STARD13: variants seen among roughly 807,000 people sequenced by gnomAD.
The protein encoded by STARD13 is stAR-related lipid transfer protein 13.
Under a neutral mutation model 106.4 loss-of-function variants are expected in STARD13, and 62 were observed. That is an observed-to-expected ratio of 0.58 (90% CI 0.48 to 0.72). STARD13 has a LOEUF of 0.72. Among genes scored for constraint, STARD13 ranks in the 30% least tolerant of loss-of-function variants. The pLI, the probability that STARD13 is intolerant of heterozygous loss-of-function variation, is 0.00. For synonymous variants in STARD13, 565 were observed against 553.0 expected, an observed-to-expected ratio of 1.02 and a Z score of -0.31; for missense variants, 1,387 against 1,424.0, an observed-to-expected ratio of 0.97 and a Z score of 0.42.
At chr13:33,210,641 T>G (rs1594110936) in intron 1 of STARD13, among the ~76,000 whole-genome samples, 1 of 152,228 alleles carries the variant, frequency 6.6e-6, no homozygotes, top group African/African-American at 2.4e-5. Flanking sequence ...CGACTACACT[T>G]AAAAGATTGA....
At chr13:33,414,032 C>CAAAAAAAAAAAAAAAAA in the STARD13 span, among the ~76,000 whole-genome samples, 1 of 48,186 alleles carries the variant, frequency 2.1e-5, no homozygotes, top group Admixed American at 1.9e-4. Context: ...GATTCCCTCT[C>CAAAAAAAAAAAAAAAAA]AAAAAAAAAA....
At chr13:33,548,620 AT>A in the STARD13 span, among the ~76,000 whole-genome samples, 5 of 152,060 alleles carry the variant, frequency 3.3e-5, no homozygotes, top group African/African-American at 1.2e-4. Context: ...TACGTTTGTG[AT>A]TTTTTTTAAA....
In STARD13 at chr13:33,285,718, A is replaced by ACCC; in HGVS notation, c.-83_-81dup. The ACCC allele has an allele frequency of 1.3e-6, 2 of 1,578,312 alleles. No homozygotes were observed. The highest frequency in any genetic ancestry group is 1.7e-6 in the Non-Finnish European group (2 of 1,165,610). On this transcript the variant is annotated 5_prime_UTR_variant, in exon 1 of 14. Transcript: ENST00000336934. ...TCCAGTCTCAGTCAAAGAGCAAGGC[A>ACCC]CCCAGCCCAGGACAGCTCAACAGAC...
chr13:33,427,699 T>G, the STARD13 span, among the ~76,000 whole-genome samples: 1 of 152,156 alleles, frequency 6.6e-6, no homozygotes. Flanking sequence ...CTCACGCCTG[T>G]AATCCCAGCA....
the STARD13 span, among the ~76,000 whole-genome samples, chr13:33,550,702 C>T: frequency 6.6e-6 from 1 of 152,266 alleles, no homozygotes; most frequent in Non-Finnish European, 1.5e-5. Flanking sequence ...TTGCAAGTTT[C>T]ATGTTCAGCA....
the STARD13 span, among the ~76,000 whole-genome samples, chr13:33,650,206 T>TTTTTTC: frequency 1.1e-5 from 1 of 94,468 alleles, no homozygotes; most frequent in Non-Finnish European, 2.0e-5. Flanking sequence ...TTTTTTTTTT[T>TTTTTTC]TTGAGACGGC....
the STARD13 span, among the ~76,000 whole-genome samples, chr13:33,396,752 C>T: frequency 6.6e-6 from 1 of 152,108 alleles, no homozygotes; most frequent in Non-Finnish European, 1.5e-5. Flanking sequence ...CATAATCTCA[C>T]TGTAAACAAT....
intron 1 of STARD13, among the ~76,000 whole-genome samples, chr13:33,184,112 C>T (rs1885519528): frequency 6.6e-6 from 1 of 152,184 alleles, no homozygotes; most frequent in Non-Finnish European, 1.5e-5. Flanking sequence ...GAAGGTGTAG[C>T]TTGTTGGACA....
chr13:33,506,140 G>T, the STARD13 span, among the ~76,000 whole-genome samples: 1 of 152,032 alleles, frequency 6.6e-6, no homozygotes, highest in African/African-American at 2.4e-5. Context: ...GTAAAAATTT[G>T]TTTTCTTAAA....
the STARD13 span, among the ~76,000 whole-genome samples, chr13:33,609,488 T>C: frequency 6.6e-6 from 1 of 152,048 alleles, no homozygotes; most frequent in Non-Finnish European, 1.5e-5. Flanking sequence ...AACATAGCCC[T>C]CTTGGAGAGC....
chr13:33,381,628 T>C, the STARD13 span, among the ~76,000 whole-genome samples: 1 of 151,944 alleles, frequency 6.6e-6, no homozygotes, highest in African/African-American at 2.4e-5. Context: ...TAATCTCAGC[T>C]ACCCAGGAGC....
chr13:33,469,885 T>C, the STARD13 span, among the ~76,000 whole-genome samples: 1 of 148,782 alleles, frequency 6.7e-6, no homozygotes, highest in Non-Finnish European at 1.5e-5. Flanking sequence ...TACAGCTTTT[T>C]TGTTTGTTTG....
the STARD13 span, among the ~76,000 whole-genome samples, chr13:33,487,449 A>C: frequency 1.3e-5 from 2 of 152,294 alleles, no homozygotes; most frequent in East Asian, 1.9e-4. Context: ...ATGAGGAGAC[A>C]TTAGTATATT....
chr13:33,244,063 C>A lies in STARD13; in HGVS notation c.169+41407G>T, dbSNP rs2138260416. ...TGCATTATCCAAAATGCTTCAAAAT[C>A]TGAAAGATTTTGAATGCCAACATGA... is the stretch of plus-strand genomic sequence containing the variant. On this transcript the variant is annotated intron_variant, in intron 1 of 13. Transcript: ENST00000336934. 2.1e-5 allele frequency among the ~76,000 whole-genome samples: 3 copies of A among 145,418 alleles called. No homozygotes were observed. In the Middle Eastern group the frequency reaches 0.011, roughly 539 times the overall value.
the STARD13 span, among the ~76,000 whole-genome samples, chr13:33,530,225 G>A: frequency 6.6e-6 from 1 of 151,776 alleles, no homozygotes; most frequent in African/African-American, 2.4e-5. Flanking sequence ...ATAAATAAAG[G>A]TGAACAACTC....
chr13:33,414,468 G>GA, the STARD13 span, among the ~76,000 whole-genome samples: 1 of 152,148 alleles, frequency 6.6e-6, no homozygotes, highest in African/African-American at 2.4e-5. Flanking sequence ...GCTATAAAAG[G>GA]AAACGAGCTA....
At chr13:33,217,883 A>T (rs1277092865) in intron 1 of STARD13, among the ~76,000 whole-genome samples, 1 of 152,238 alleles carries the variant, frequency 6.6e-6, no homozygotes, top group Admixed American at 6.5e-5. Flanking sequence ...CTAGCAGGAC[A>T]GGTAAATCAG....
intron 7 of STARD13, among the ~76,000 whole-genome samples, chr13:33,123,596 C>T (rs558617945): frequency 8.1e-4 from 124 of 152,216 alleles, no homozygotes; most frequent in Non-Finnish European, 1.5e-3. Context: ...CAAGGCTCCT[C>T]TTACACACTA....
At chr13:33,121,162 G>T (rs969859456) in intron 7 of STARD13, among the ~76,000 whole-genome samples, 1 of 152,226 alleles carries the variant, frequency 6.6e-6, no homozygotes, top group Non-Finnish European at 1.5e-5. Flanking sequence ...GTAGAAGATG[G>T]TCTTTCTAAG....
Sources: allele counts gnomAD v4.1 joint callset (sites outside exome capture counted in the v4.1 genomes callset), GRCh38; gene constraint gnomAD v4.1.1; transcripts MANE v1.5; gene names NCBI Gene and HGNC (gene_info 2026-07-23, HGNC 2026-07-21).